Variants in ZBTB21 observed in about 807,000 individuals in gnomAD.
The protein encoded by ZBTB21 is zinc finger and BTB domain containing 21.
In ZBTB21, 10 loss-of-function variants were observed where a neutral mutation model predicts 39.8. The ratio of observed to expected loss-of-function variants is 0.25; its 90% CI spans 0.16 to 0.43. The LOEUF (loss-of-function observed/expected upper bound fraction) is 0.43. Among genes scored for constraint, ZBTB21 ranks in the 20% least tolerant of loss-of-function variants. The pLI is 1.00. For synonymous variants in ZBTB21, 551 were observed against 498.8 expected (o/e 1.10, Z -1.40); for missense variants, 1,221 against 1,296.3 (o/e 0.94, Z 0.89).
rs2065625330 is a variant in ZBTB21 at position 41,989,693 on chromosome 21, T to C, written c.*1202A>G. ...AGTGCTCTAATACCTATTTTTGAAA[T>C]ATTAAGCAATGATGTAGAGAATGGC... On this transcript the variant is annotated 3_prime_UTR_variant, in exon 3 of 3. Transcript: ENST00000310826. 6.6e-6 allele frequency: 1 copy of C among 152,178 alleles called. No homozygotes were observed. Among genetic ancestry groups the C allele is most frequent in the Non-Finnish European group, 1.5e-5 (1 of 67,998 alleles). 9.4% of individuals were successfully genotyped at this position (152,178 alleles called of 1,614,324 possible). A position where few individuals can be genotyped will look rare whatever the true frequency, so the allele number is the denominator to read the frequency against.
intron 1 of ZBTB21, among the ~76,000 whole-genome samples, chr21:42,003,807 T>C (rs2065845921): frequency 2.0e-5 from 3 of 152,332 alleles, no homozygotes; most frequent in South Asian, 2.1e-4. Context: ...ATTTCTACTA[T>C]AGACGCTTTT....
intron 1 of ZBTB21, among the ~76,000 whole-genome samples, chr21:42,008,401 C>T (rs1437394895): frequency 6.7e-6 from 1 of 148,586 alleles, no homozygotes; most frequent in African/African-American, 2.5e-5. Flanking sequence ...GCCTGTAATC[C>T]CGGCTACTCA....
Position 41,987,700 on chromosome 21 carries a change from C to G in ZBTB21, c.*3195G>C, listed in dbSNP as rs1318117129. On this transcript the variant is annotated 3_prime_UTR_variant, in exon 3 of 3. Transcript: ENST00000310826. ...TTTTACTTCCTGAAGTTCCAGATTA[C>G]AGTTGTATACACACATGCATGCATG... 6.6e-6 allele frequency: 1 copy of G among 152,182 alleles called. No individual in the cohort carries two copies. The highest frequency in any genetic ancestry group is 2.4e-5 in the African/African-American group (1 of 41,452). The allele number at this position is 152,182 out of a possible 1,614,324, so 9.4% of individuals were successfully genotyped here.
chr21:42,000,553 T>A lies in ZBTB21; in HGVS notation c.-14+2344A>T, dbSNP rs538909373. On this transcript the variant is annotated intron_variant, in intron 2 of 2. Transcript: ENST00000310826. The stretch of plus-strand genomic sequence containing the variant: ...TCTACATCCCTGGACCTGAAGCAAA[T>A]GGTATTCCACAGACCGTATGCATCC... 5.3e-5 allele frequency among the ~76,000 whole-genome samples: 8 copies of A among 152,292 alleles called. No homozygotes were observed. The South Asian group carries it at 1.0e-3, about 20-fold the overall frequency.
chr21:41,995,059 G>A (rs2065727725), intron 2 of ZBTB21, among the ~76,000 whole-genome samples: 3 of 152,130 alleles, frequency 2.0e-5, no homozygotes, highest in Non-Finnish European at 4.4e-5. Context: ...GCTTTTTCTT[G>A]TAAGTTACCC....
chr21:42,008,232 G>A (rs947961336), intron 1 of ZBTB21, among the ~76,000 whole-genome samples: 1 of 150,764 alleles, frequency 6.6e-6, no homozygotes, highest in Non-Finnish European at 1.5e-5. Context: ...TCGGCTGGGC[G>A]CAGTGGCTCA....
rs2065945530 is a variant in ZBTB21, at chr21:42,010,236, C to T, written c.-79+16G>A. ...CCCGCAGTTCTCCTAGAGCTAGGGG[C>T]GTGACAGTTACTCACCGGTCTTCAG... On this transcript the variant is annotated intron_variant, in intron 1 of 2. Transcript: ENST00000310826. The T allele has an allele frequency of 2.5e-6, 1 of 397,750 alleles. No homozygotes were observed. 24.6% of individuals were successfully genotyped at this position (397,750 alleles called of 1,614,324 possible).
At chr21:41,997,575 C>CAAAAAAAAA in intron 2 of ZBTB21, among the ~76,000 whole-genome samples, 1 of 117,842 alleles carries the variant, frequency 8.5e-6, no homozygotes, top group African/African-American at 2.9e-5. Flanking sequence ...GACGTTGTCT[C>CAAAAAAAAA]AAAAAAAAAA....
chr21:42,009,526 G>C (rs1349104261), intron 1 of ZBTB21: 1 of 152,344 alleles, frequency 6.6e-6, no homozygotes, highest in African/African-American at 2.4e-5. Context: ...CGAGCAGCAG[G>C]GCTCCTGGCC....
In ZBTB21 at chr21:41,991,972, C is replaced by T. The variant is rs749985132; in HGVS notation, c.2124G>A (p.Glu708=). 3.7e-6 allele frequency: 6 copies of T among 1,614,126 alleles called. No homozygotes were observed. The highest frequency in any genetic ancestry group is 2.2e-5 in the South Asian group (2 of 91,078). Reference sequence around the variant, plus strand: ...CTACTGGACTTGCAAGAGGAGCATGCTCTTTTGGTTTAGCAACTTTATTTA... The same window carrying T: ...CTACTGGACTTGCAAGAGGAGCATGTTCTTTTGGTTTAGCAACTTTATTTA... ...LGVNKVAKPK[E]HAPLASPVEN... Residue 708 remains glutamate (E), a synonymous_variant, in exon 3 of 3, where the codon GAG becomes GAA. Coordinates refer to ENST00000310826, the MANE Select transcript of ZBTB21 (RefSeq NM_001098402.2). This position sits in a 1 kb window ranked among gnomAD's most constrained non-coding sequence, Gnocchi z 4.9.
rs376069168 is a variant in ZBTB21, at chr21:42,007,479, GC to G, written c.-79+2772del. ...TCTACTCTACAAACTTGCATATCCA[GC>G]CTCTGCCACCCAAAATCTCTCTCTT... On this transcript the variant is annotated intron_variant, in intron 1 of 2. Coordinates refer to ENST00000310826, the MANE Select transcript of ZBTB21 (RefSeq NM_001098402.2). Among the ~76,000 whole-genome samples, 43 of 152,194 alleles carry G rather than the reference GC, an allele frequency of 2.8e-4. No individual in the cohort carries two copies. In the East Asian group the frequency reaches 3.5e-3, roughly 12 times the overall value.
intron 2 of ZBTB21, among the ~76,000 whole-genome samples, chr21:41,995,254 G>C (rs192500820): frequency 6.6e-6 from 1 of 152,234 alleles, no homozygotes; most frequent in African/African-American, 2.4e-5. Flanking sequence ...GGAAACTTTG[G>C]AACTCCCTAG....
intron 2 of ZBTB21, among the ~76,000 whole-genome samples, chr21:41,999,765 C>T (rs1344933534): frequency 6.6e-6 from 1 of 152,110 alleles, no homozygotes; most frequent in Non-Finnish European, 1.5e-5. Context: ...GAAGCTAAGG[C>T]AACAGGAGGG....
In ZBTB21 at chr21:41,989,691, A is replaced by G. The variant is rs192261530; in HGVS notation, c.*1204T>C. The G allele has an allele frequency of 8.1e-4, 124 of 152,312 alleles. 1 individual carries two copies. Among genetic ancestry groups the G allele is most frequent in the African/African-American group, 2.7e-3 (113 of 41,582 alleles). The allele number at this position is 152,312 out of a possible 1,614,324, so 9.4% of individuals were successfully genotyped here. A position where few individuals can be genotyped will look rare whatever the true frequency, so the allele number is the denominator to read the frequency against. On this transcript the variant is annotated 3_prime_UTR_variant, in exon 3 of 3. Transcript: ENST00000310826. The stretch of plus-strand genomic sequence containing the variant: ...ATAGTGCTCTAATACCTATTTTTGA[A>G]ATATTAAGCAATGATGTAGAGAATG...
chr21:41,987,735 A>T lies in ZBTB21; in HGVS notation c.*3160T>A, dbSNP rs1161964314. ...CACACATGCATGCATGTGTGTACAA[A>T]CCCAATTTGAGACAACAAAGGCCAA... On this transcript the variant is annotated 3_prime_UTR_variant, in exon 3 of 3. Transcript: ENST00000310826. The T allele has an allele frequency of 6.6e-6, 1 of 152,078 alleles. No homozygotes were observed. Among genetic ancestry groups the T allele is most frequent in the East Asian group, 1.9e-4 (1 of 5,202 alleles). 9.4% of individuals were successfully genotyped at this position (152,078 alleles called of 1,614,324 possible).
rs1047649873 is a variant in ZBTB21 at position 41,992,029 on chromosome 21, T to C, written c.2067A>G (p.Ile689Met). 5.0e-6 allele frequency: 8 copies of C among 1,614,260 alleles called. No homozygotes were observed. The African/African-American group carries it at 9.3e-5, about 19-fold the overall frequency. Residue 689 changes from isoleucine to methionine, a missense_variant, in exon 3 of 3, where the codon ATA becomes ATG. Ile to Met is a conservative substitution (Grantham distance 10). Coordinates refer to ENST00000310826, the MANE Select transcript of ZBTB21 (RefSeq NM_001098402.2). This position sits in a 1 kb window ranked among gnomAD's most constrained non-coding sequence, Gnocchi z 4.1. Reference protein sequence around the residue: ...YRFLSQFKQHIKMHPGEKPLG... With the variant: ...YRFLSQFKQHMKMHPGEKPLG... Reference sequence around the variant, plus strand: ...GGGGTTTTTCTCCTGGATGCATTTTTATATGCTGCTTAAATTGAGAGAGAA... The same window carrying C: ...GGGGTTTTTCTCCTGGATGCATTTTCATATGCTGCTTAAATTGAGAGAGAA...
chr21:41,991,755 T>C lies in ZBTB21; in HGVS notation c.2341A>G (p.Met781Val), dbSNP rs750022976. The change falls in exon 3 of 3, where the codon ATG becomes GTG. Residue 781 changes from methionine to valine, a missense_variant. Physicochemically the swap from Met to Val is conservative, Grantham distance 21 (BLOSUM62 1). This residue lies in a region of ZBTB21 where 523 missense variants were observed against 542.5 expected (regional missense o/e 0.96). Transcript: ENST00000310826. This position sits in a 1 kb window ranked among gnomAD's most constrained non-coding sequence, Gnocchi z 4.9. The part of the protein sequence containing the change: ...EYKKLTCLEC[M>V]RTFKSSFSIW... Reference sequence around the variant, plus strand: ...CTGAAAGAGGACTTGAAGGTGCGCATGCACTCGAGGCAGGTCAGCTTCTTA... The same window carrying C: ...CTGAAAGAGGACTTGAAGGTGCGCACGCACTCGAGGCAGGTCAGCTTCTTA... The C allele has an allele frequency of 1.7e-5, 27 of 1,614,088 alleles. No homozygotes were observed. Among genetic ancestry groups the C allele is most frequent in the Admixed American group, 6.7e-5 (4 of 60,000 alleles).
chr21:41,997,602 A>G (rs1028408355), intron 2 of ZBTB21, among the ~76,000 whole-genome samples: 3 of 138,892 alleles, frequency 2.2e-5, no homozygotes, highest in Admixed American at 1.4e-4. Context: ...AAAAAACAAA[A>G]AAACAAAAAA....
At position 41,987,453 on chromosome 21, in the gene ZBTB21, C is replaced by T. The variant is rs1194495868; in HGVS notation, c.*3442G>A. 6.6e-6 allele frequency: 1 copy of T among 152,094 alleles called. No homozygotes were observed. The highest frequency in any genetic ancestry group is 2.4e-5 in the African/African-American group (1 of 41,420). The allele number at this position is 152,094 out of a possible 1,614,324, so 9.4% of individuals were successfully genotyped here. On this transcript the variant is annotated 3_prime_UTR_variant, in exon 3 of 3. Transcript: ENST00000310826. ...ACCACAAAAAGCCATAAATGAAAAC[C>T]TATTTTTTAAAACTTAAAGTTTAGT...
Sources: gnomAD v4.1 joint callset for allele counts (sites outside exome capture counted in the v4.1 genomes callset) on GRCh38, gnomAD v4.1.1 for gene constraint, gnomAD v4.1.1 regional missense constraint, Gnocchi (gnomAD v3.1) non-coding constraint, MANE v1.5 for transcripts, NCBI Gene and HGNC (gene_info 2026-07-23, HGNC 2026-07-21) for gene names.